ZSWIM3: variants seen among roughly 807,000 people sequenced by gnomAD.
The protein encoded by ZSWIM3 is zinc finger SWIM domain-containing protein 3.
ZSWIM3 carries 27 observed loss-of-function variants against 47.5 expected under a neutral mutation model. That is an observed-to-expected ratio of 0.57 (90% CI 0.42 to 0.78). The LOEUF is 0.78. Ranked by LOEUF, ZSWIM3 falls within the 30% of genes least tolerant of loss-of-function variation. The pLI, the probability that ZSWIM3 is intolerant of heterozygous loss-of-function variation, is 0.00. For missense variants in ZSWIM3, 689 were observed against 861.3 expected (o/e 0.80, Z 2.50); for synonymous variants, 333 against 333.9 (o/e 1.00, Z 0.03).
At chr20:45,860,059 G>GT (rs1283228101) in intron 1 of ZSWIM3, among the ~76,000 whole-genome samples, 1 of 152,152 alleles carries the variant, frequency 6.6e-6, no homozygotes, top group Non-Finnish European at 1.5e-5. Context: ...AGGTGTATTG[G>GT]TTTTCTGTTT....
chr20:45,859,273 G>A (rs1298129865), intron 1 of ZSWIM3, among the ~76,000 whole-genome samples: 1 of 152,156 alleles, frequency 6.6e-6, no homozygotes, highest in Non-Finnish European at 1.5e-5. Flanking sequence ...TAGACAGCCA[G>A]GCTATATTCT....
rs1986104687 is a variant in ZSWIM3 at position 45,876,789 on chromosome 20, AGCGTACTT to A, written c.234_241del (p.Tyr79ProfsTer9). 6.2e-7 allele frequency: 1 copy of A among 1,614,202 alleles called. No homozygotes were observed. The highest frequency in any genetic ancestry group is 8.5e-7 in the Non-Finnish European group (1 of 1,180,042). ...GAACGCGGGAGGCAGACATGTGCCC[AGCGTACTT>A]GCTCCTAAGGTACAACGAGAGACTA... is the stretch of plus-strand genomic sequence containing the variant. On this transcript the variant is annotated frameshift_variant, in exon 2 of 2. Transcript: ENST00000255152. LOFTEE classifies it high-confidence loss of function.
Position 45,876,728 on chromosome 20 carries a change from A to C in ZSWIM3, c.170A>C (p.Lys57Thr), listed in dbSNP as rs1986101414. The C allele has an allele frequency of 6.2e-7, 1 of 1,612,712 alleles. No homozygotes were observed. The highest frequency in any genetic ancestry group is 1.3e-5 in the African/African-American group (1 of 74,998). The change falls in exon 2 of 2, where the codon AAA (lysine) becomes ACA (threonine). Residue 57 changes from lysine (K) to threonine (T), a missense_variant. Transcript: ENST00000255152. ...ACCTTCCCTAGGTATGTGCAGGTGAAATTTGTCTGCATTCGGACCCAATCA... is the reference window on the plus strand; with the variant it reads ...ACCTTCCCTAGGTATGTGCAGGTGACATTTGTCTGCATTCGGACCCAATCA... ...IREDILYVQV[K>T]FVCIRTQSNR...
At chr20:45,859,192 G>A (rs1246383584) in intron 1 of ZSWIM3, among the ~76,000 whole-genome samples, 3 of 152,018 alleles carry the variant, frequency 2.0e-5, no homozygotes, top group South Asian at 2.1e-4. Flanking sequence ...CAGAGCATGC[G>A]GGCCAACTCA....
chr20:45,865,457 C>CA (rs2145787402), intron 1 of ZSWIM3, among the ~76,000 whole-genome samples: 1 of 152,026 alleles, frequency 6.6e-6, no homozygotes, highest in South Asian at 2.1e-4. Context: ...CACTGTACTC[C>CA]AGCCTGGGTG....
chr20:45,876,934 A>G lies in ZSWIM3; in HGVS notation c.376A>G (p.Arg126Gly), dbSNP rs1216963374. 1.9e-6 allele frequency: 3 copies of G among 1,614,156 alleles called. No individual in the cohort carries two copies. The highest frequency in any genetic ancestry group is 2.5e-6 in the Non-Finnish European group (3 of 1,180,028). Residue 126 changes from arginine (R) to glycine (G), a missense_variant, in exon 2 of 2, where the codon AGA becomes GGA. Physicochemically the swap from Arg to Gly is moderately radical, Grantham distance 125. Coordinates refer to ENST00000255152, the MANE Select transcript of ZSWIM3 (RefSeq NM_080752.4). ...GKSQKTMCLQ[R>G]LQPVQPTTKK... Reference sequence around the variant, plus strand: ...ATCTCAAAAGACAATGTGCCTGCAGAGACTCCAGCCTGTGCAGCCCACAAC... The same window carrying G: ...ATCTCAAAAGACAATGTGCCTGCAGGGACTCCAGCCTGTGCAGCCCACAAC...
chr20:45,860,440 G>A (rs1419239249), intron 1 of ZSWIM3, among the ~76,000 whole-genome samples: 1 of 151,094 alleles, frequency 6.6e-6, no homozygotes, highest in African/African-American at 2.4e-5. Context: ...GCAGCCGGGA[G>A]GTGGAGGTTG....
chr20:45,870,599 ATT>A (rs1022689098), intron 1 of ZSWIM3, among the ~76,000 whole-genome samples: 1 of 152,114 alleles, frequency 6.6e-6, no homozygotes, highest in Non-Finnish European at 1.5e-5. Flanking sequence ...GATTATTCAT[ATT>A]GTTATTTCCA....
intron 1 of ZSWIM3, among the ~76,000 whole-genome samples, chr20:45,874,627 T>TGGGA (rs76150982): frequency 6.6e-6 from 1 of 152,252 alleles, no homozygotes; most frequent in Non-Finnish European, 1.5e-5. Flanking sequence ...TCCAATGTCC[T>TGGGA]GGGATCCTCG....
rs1986147350 is a variant in ZSWIM3, at chr20:45,877,986, A to ACAGCAGGTACAGGTACAG, written c.1435_1452dup (p.Val479_Gln484dup). On this transcript the variant is annotated inframe_insertion, in exon 2 of 2. Transcript: ENST00000255152. ...CTGCAGAAGAGACCAAGCCAGACGC[A>ACAGCAGGTACAGGTACAG]CAGCAGGTACAGGTACAGCAGCAGT... 6.8e-6 allele frequency: 11 copies of ACAGCAGGTACAGGTACAG among 1,614,164 alleles called. No individual in the cohort carries two copies. The highest frequency in any genetic ancestry group is 9.3e-6 in the Non-Finnish European group (11 of 1,180,032).
intron 1 of ZSWIM3, among the ~76,000 whole-genome samples, chr20:45,876,447 TC>T (rs1241200285): frequency 1.3e-5 from 2 of 152,092 alleles, no homozygotes; most frequent in African/African-American, 4.8e-5. Context: ...CAAGCGATCC[TC>T]CCTTCTCTGC....
At position 45,877,886 on chromosome 20, in the gene ZSWIM3, G is replaced by A; in HGVS notation, c.1328G>A (p.Arg443Lys). The A allele has an allele frequency of 6.2e-7, 1 of 1,614,148 alleles. No individual in the cohort carries two copies. Among genetic ancestry groups the A allele is most frequent in the South Asian group, 1.1e-5 (1 of 91,088 alleles). The change falls in exon 2 of 2, where the codon AGA (arginine) becomes AAA (lysine). Residue 443 changes from arginine (R) to lysine (K), a missense_variant. Arg to Lys is a conservative substitution (Grantham distance 26). Transcript: ENST00000255152. ...NLPTPPPKLK[R>K]ARPASMPLKS... Reference sequence around the variant, plus strand: ...CCCACACCTCCTCCCAAATTAAAGAGAGCTCGGCCGGCAAGCATGCCACTG... The same window carrying A: ...CCCACACCTCCTCCCAAATTAAAGAAAGCTCGGCCGGCAAGCATGCCACTG...
chr20:45,874,253 T>G (rs1986039678), intron 1 of ZSWIM3, among the ~76,000 whole-genome samples: 1 of 152,208 alleles, frequency 6.6e-6, no homozygotes, highest in African/African-American at 2.4e-5. Flanking sequence ...GGCTCACGCC[T>G]GTAATCTCAG....
chr20:45,859,223 T>C (rs1023128211), intron 1 of ZSWIM3, among the ~76,000 whole-genome samples: 1 of 152,176 alleles, frequency 6.6e-6, no homozygotes, highest in Non-Finnish European at 1.5e-5. Context: ...ATATCCGAGT[T>C]TGAGACTTGG....
chr20:45,877,154 A>C lies in ZSWIM3; in HGVS notation c.596A>C (p.His199Pro), dbSNP rs1568749622. ...MASFSVGDSQ[H>P]LDRLSFQSSK... ...TCCTTCAGTGTGGGTGACAGCCAGC[A>C]CCTGGACCGGCTCAGCTTCCAGAGC... Residue 199 changes from histidine to proline, a missense_variant, in exon 2 of 2, where the codon CAC becomes CCC. By Grantham distance (77) the His-to-Pro change is moderately conservative. Transcript: ENST00000255152. 3.1e-6 allele frequency: 5 copies of C among 1,613,970 alleles called. No individual in the cohort carries two copies. The highest frequency in any genetic ancestry group is 4.2e-6 in the Non-Finnish European group (5 of 1,180,022).
At chr20:45,872,439 C>T (rs1985995803) in intron 1 of ZSWIM3, among the ~76,000 whole-genome samples, 1 of 152,184 alleles carries the variant, frequency 6.6e-6, no homozygotes, top group Non-Finnish European at 1.5e-5. Flanking sequence ...GTCAATATAA[C>T]TTGATGAGCT....
intron 1 of ZSWIM3, among the ~76,000 whole-genome samples, chr20:45,868,765 C>T (rs958552642): frequency 6.6e-6 from 1 of 151,184 alleles, no homozygotes; most frequent in African/African-American, 2.4e-5. Context: ...CATATAGCTG[C>T]CATTATAACC....
At chr20:45,858,150 C>G (rs1478736954) in intron 1 of ZSWIM3, among the ~76,000 whole-genome samples, 170 bp downstream of exon 1, 1 of 152,200 alleles carries the variant, frequency 6.6e-6, no homozygotes, top group East Asian at 1.9e-4. Context: ...AGCTAAGCCT[C>G]CACGGCCATT....
rs752831495 is a variant in ZSWIM3 at position 45,877,294 on chromosome 20, A to G, written c.736A>G (p.Ser246Gly). ...AFLVENKERESRVVHFAVLKA... is the reference protein window; with the variant it reads ...AFLVENKEREGRVVHFAVLKA... Reference sequence around the variant, plus strand: ...CTTGGTGGAGAACAAGGAACGAGAAAGTCGAGTGGTGCACTTTGCTGTGCT... The same window carrying G: ...CTTGGTGGAGAACAAGGAACGAGAAGGTCGAGTGGTGCACTTTGCTGTGCT... Residue 246 changes from serine to glycine, a missense_variant, in exon 2 of 2, where the codon AGT becomes GGT. By Grantham distance (56) the Ser-to-Gly change is moderately conservative. Coordinates refer to ENST00000255152, the MANE Select transcript of ZSWIM3 (RefSeq NM_080752.4). 30 of 1,614,054 alleles carry G rather than the reference A, an allele frequency of 1.9e-5. No homozygotes were observed. Among genetic ancestry groups the G allele is most frequent in the East Asian group, 6.7e-5 (3 of 44,894 alleles).
Sources: allele counts gnomAD v4.1 joint callset (sites outside exome capture counted in the v4.1 genomes callset), GRCh38; gene constraint gnomAD v4.1.1; transcripts MANE v1.5; gene names NCBI Gene and HGNC (gene_info 2026-07-23, HGNC 2026-07-21).